Variants in GPRIN3 observed in about 807,000 individuals in gnomAD.
GPRIN3 encodes G protein-regulated inducer of neurite outgrowth 3.
Under a neutral mutation model 13.7 loss-of-function variants are expected in GPRIN3, and 12 were observed. The ratio of observed to expected loss-of-function variants is 0.87; its 90% CI spans 0.56 to 1.42. The LOEUF is 1.42. Among genes scored for constraint, GPRIN3 ranks in the 40% most tolerant of loss-of-function variants. GPRIN3 has a pLI of 0.00. For synonymous variants in GPRIN3, 377 were observed against 372.7 expected, an observed-to-expected ratio of 1.01 and a Z score of -0.13; for missense variants, 1,009 against 958.7, an observed-to-expected ratio of 1.05 and a Z score of -0.69.
intron 1 of GPRIN3, among the ~76,000 whole-genome samples, chr4:89,270,299 C>T (rs35855515): frequency 0.014 from 2,151 of 151,092 alleles, 27 homozygotes; most frequent in Non-Finnish European, 0.024. Context: ...AAGTAAGTCT[C>T]TCTGCAATTC....
chr4:89,251,518 C>G (rs116618098), intron 1 of GPRIN3, among the ~76,000 whole-genome samples: 1 of 152,042 alleles, frequency 6.6e-6, no homozygotes, highest in Non-Finnish European at 1.5e-5. Flanking sequence ...TCCTGAAGTA[C>G]TATTTGTAGA....
rs770982092 is a variant in GPRIN3 at position 89,249,616 on chromosome 4, C to T, written c.495G>A (p.Glu165=). Residue 165 remains glutamate (E), a synonymous_variant, in exon 2 of 2, where the codon GAG becomes GAA. Transcript: ENST00000609438. ...CAGGACAACTTGGTTTCTCAGGTTG[C>T]TCTCTATTTGAGGTTCTCTGTGATC... ...LMRSQRTSNR[E]QPEKPSCPVG... 1 of 1,614,032 alleles carries T rather than the reference C, an allele frequency of 6.2e-7. No homozygotes were observed. Among genetic ancestry groups the T allele is most frequent in the Admixed American group, 1.7e-5 (1 of 59,990 alleles).
In GPRIN3 at chr4:89,242,301, GA is replaced by G. The variant is rs1578061879; in HGVS notation, c.*5478del. ...TGGATACAAGATCTCATGTTTTAGT[GA>G]TTTTACATCCGGGAGCCCATTTTTT... On this transcript the variant is annotated 3_prime_UTR_variant, in exon 2 of 2. Transcript: ENST00000609438. 6.6e-6 allele frequency: 1 copy of G among 152,160 alleles called. No individual in the cohort carries two copies. Among genetic ancestry groups the G allele is most frequent in the East Asian group, 1.9e-4 (1 of 5,196 alleles). 9.4% of individuals were successfully genotyped at this position (152,160 alleles called of 1,614,324 possible).
chr4:89,286,608 G>A (rs1418466232), intron 1 of GPRIN3, among the ~76,000 whole-genome samples: 1 of 151,026 alleles, frequency 6.6e-6, no homozygotes, highest in African/African-American at 2.4e-5. Flanking sequence ...TGTTTCTTAC[G>A]TACATATCCT....
chr4:89,294,013 C>A (rs921239750), intron 1 of GPRIN3, among the ~76,000 whole-genome samples: 1 of 152,092 alleles, frequency 6.6e-6, no homozygotes, highest in African/African-American at 2.4e-5. Context: ...TTTATTCTCC[C>A]TTGTTTTGGG....
chr4:89,256,225 T>C (rs73845909), intron 1 of GPRIN3, among the ~76,000 whole-genome samples: 4,367 of 152,258 alleles, frequency 0.029, 172 homozygotes, highest in African/African-American at 0.099. Flanking sequence ...TATAGATATC[T>C]ATATATCTAT....
Position 89,247,617 on chromosome 4 carries a change from G to T in GPRIN3, c.*163C>A. 5.4e-6 allele frequency: 3 copies of T among 560,462 alleles called. No individual in the cohort carries two copies. The highest frequency in any genetic ancestry group is 9.0e-6 in the Non-Finnish European group (3 of 332,746). 34.7% of individuals were successfully genotyped at this position (560,462 alleles called of 1,614,324 possible). On this transcript the variant is annotated 3_prime_UTR_variant, in exon 2 of 2. Transcript: ENST00000609438. ...AATTGAAATGACATTTTTGTTTATA[G>T]AGCTCCAGGTCAAAGGATCTAACAA...
chr4:89,254,083 C>T (rs1282895915), intron 1 of GPRIN3, among the ~76,000 whole-genome samples: 2 of 151,122 alleles, frequency 1.3e-5, no homozygotes, highest in Non-Finnish European at 2.9e-5. Flanking sequence ...ACAGGTGGCC[C>T]CCAGACTTAA....
At chr4:89,289,860 C>G (rs1343578751) in intron 1 of GPRIN3, among the ~76,000 whole-genome samples, 10 of 152,068 alleles carry the variant, frequency 6.6e-5, no homozygotes, top group Admixed American at 5.9e-4. Context: ...ACTCTGAGCT[C>G]AAAAGTCTGT....
chr4:89,271,816 G>A (rs1410718228), intron 1 of GPRIN3, among the ~76,000 whole-genome samples: 1 of 152,076 alleles, frequency 6.6e-6, no homozygotes, highest in African/African-American at 2.4e-5. Flanking sequence ...ATCAGAACTT[G>A]CTCTCTGCTA....
intron 1 of GPRIN3, among the ~76,000 whole-genome samples, chr4:89,283,045 T>G (rs1383171532): frequency 6.6e-6 from 1 of 152,218 alleles, no homozygotes; most frequent in East Asian, 1.9e-4. Flanking sequence ...CCGATTGTTA[T>G]TAATATTAAC....
intron 1 of GPRIN3, among the ~76,000 whole-genome samples, chr4:89,280,284 G>A (rs1387858218): frequency 6.6e-6 from 1 of 152,022 alleles, no homozygotes; most frequent in Non-Finnish European, 1.5e-5. Flanking sequence ...CCTCCGATCT[G>A]TACCTTCTTC....
At chr4:89,269,205 C>T (rs899191133) in intron 1 of GPRIN3, among the ~76,000 whole-genome samples, 6 of 152,294 alleles carry the variant, frequency 3.9e-5, no homozygotes, top group African/African-American at 7.2e-5. Context: ...AGATGACCAT[C>T]GTTCCTGCTT....
At chr4:89,277,665 C>T (rs1479318781) in intron 1 of GPRIN3, among the ~76,000 whole-genome samples, 1 of 152,222 alleles carries the variant, frequency 6.6e-6, no homozygotes, top group Non-Finnish European at 1.5e-5. Flanking sequence ...TCTGGGCCCA[C>T]TGTCTTGTCA....
chr4:89,291,879 G>T (rs1724582300), intron 1 of GPRIN3, among the ~76,000 whole-genome samples: 1 of 147,274 alleles, frequency 6.8e-6, no homozygotes, highest in African/African-American at 2.6e-5. Context: ...AGTGTGGGAT[G>T]GAATTTTAAC....
chr4:89,279,431 C>CTT (rs770931846), intron 1 of GPRIN3, among the ~76,000 whole-genome samples: 38 of 152,128 alleles, frequency 2.5e-4, no homozygotes, highest in Non-Finnish European at 5.1e-4. Flanking sequence ...AGGGAAAAGT[C>CTT]TTTCCTGGCC....
chr4:89,247,881 T>G lies in GPRIN3; in HGVS notation c.2230A>C (p.Lys744Gln), dbSNP rs1021078129. The change falls in exon 2 of 2, where the codon AAG becomes CAG. Residue 744 changes from lysine (K) to glutamine (Q), a missense_variant. Transcript: ENST00000609438. ...ACACTGTGCTGCCTTCCTCTGAGCT[T>G]CTTATTTGAAGAAGTATCTGAGGAA... is the stretch of plus-strand genomic sequence containing the variant. The part of the protein sequence containing the change: ...SISSDTSSNK[K>Q]LRGRQHSVFQ... The G allele has an allele frequency of 6.2e-7, 1 of 1,614,164 alleles. No homozygotes were observed. The highest frequency in any genetic ancestry group is 8.5e-7 in the Non-Finnish European group (1 of 1,180,008).
In GPRIN3 at chr4:89,240,304, A is replaced by G. The variant is rs1001409346; in HGVS notation, c.*7476T>C. On this transcript the variant is annotated 3_prime_UTR_variant, in exon 2 of 2. Coordinates refer to ENST00000609438, the MANE Select transcript of GPRIN3 (RefSeq NM_198281.3). Reference sequence around the variant, plus strand: ...ATTTAAGTGCCCTGGAACCCCACCCAAGGGTTCATTGCTCATATCCTATTA... The same window carrying G: ...ATTTAAGTGCCCTGGAACCCCACCCGAGGGTTCATTGCTCATATCCTATTA... 1 of 152,094 alleles carries G rather than the reference A, an allele frequency of 6.6e-6. No homozygotes were observed. The highest frequency in any genetic ancestry group is 2.4e-5 in the African/African-American group (1 of 41,418). 9.4% of individuals were successfully genotyped at this position (152,094 alleles called of 1,614,324 possible).
chr4:89,266,144 A>G (rs1404920105), intron 1 of GPRIN3, among the ~76,000 whole-genome samples: 1 of 152,240 alleles, frequency 6.6e-6, no homozygotes, highest in Non-Finnish European at 1.5e-5. Context: ...CCTTTGAGCC[A>G]GTGATTCTAC....
Sources: gnomAD v4.1 joint callset for allele counts (sites outside exome capture counted in the v4.1 genomes callset) on GRCh38, gnomAD v4.1.1 for gene constraint, MANE v1.5 for transcripts, NCBI Gene and HGNC (gene_info 2026-07-23, HGNC 2026-07-21) for gene names.